Variants in DPP10 observed in about 807,000 individuals in gnomAD.
DPP10 encodes the protein inactive dipeptidyl peptidase 10.
DPP10 carries 33 observed loss-of-function variants against 120.9 expected under a neutral mutation model. The ratio of observed to expected loss-of-function variants is 0.27; its 90% CI spans 0.21 to 0.37. The LOEUF is 0.37. Among genes scored for constraint, DPP10 ranks in the 10% least tolerant of loss-of-function variants. The probability of loss-of-function intolerance (pLI) is 1.00; values close to 1 mark genes in which losing one functional copy is unlikely to be tolerated. For missense variants in DPP10, 816 were observed against 942.8 expected, an observed-to-expected ratio of 0.87 and a Z score of 1.76; for synonymous variants, 337 against 326.1, an observed-to-expected ratio of 1.03 and a Z score of -0.36.
At chr2:114,883,312 A>G (rs548271021) in intron 1 of DPP10, among the ~76,000 whole-genome samples, 7 of 152,316 alleles carry the variant, frequency 4.6e-5, no homozygotes, top group African/African-American at 1.4e-4. Context: ...AGGATCACAC[A>G]TGGCACCCAG....
At chr2:115,349,261 A>C (rs948375658) in intron 3 of DPP10, among the ~76,000 whole-genome samples, 1 of 152,122 alleles carries the variant, frequency 6.6e-6, no homozygotes, top group East Asian at 1.9e-4. Context: ...CTGTCTTTGT[A>C]ACGTGTGACA....
chr2:114,804,906 C>T (rs924647898), intron 1 of DPP10, among the ~76,000 whole-genome samples: 4 of 152,014 alleles, frequency 2.6e-5, no homozygotes, highest in South Asian at 2.1e-4. Context: ...GGGGCCAGGG[C>T]GGAATGATAT....
At chr2:114,570,871 T>A (rs370636658) in intron 1 of DPP10, among the ~76,000 whole-genome samples, 1 of 144,094 alleles carries the variant, frequency 6.9e-6, no homozygotes, top group Non-Finnish European at 1.5e-5. Flanking sequence ...GAAAAGTAGA[T>A]GAAGGAATTA....
At chr2:115,645,831 T>C (rs1158794870) in intron 5 of DPP10, among the ~76,000 whole-genome samples, 2 of 152,190 alleles carry the variant, frequency 1.3e-5, no homozygotes, top group African/African-American at 2.4e-5. Context: ...ATTCCAACTC[T>C]ATTTCCTTCT....
In DPP10 at chr2:115,226,680, A is replaced by C. The variant is rs1027507160; in HGVS notation, c.61-82559A>C. ...CTTCTATGTATAACAGTGTTTAGTA[A>C]AATGTTTATTTTGACTACTTACTAT... On this transcript the variant is annotated intron_variant, in intron 1 of 25. Transcript: ENST00000410059. Among the ~76,000 whole-genome samples the C allele has an allele frequency of 2.0e-5, 3 of 152,188 alleles. No individual in the cohort carries two copies. In the East Asian group the frequency reaches 5.8e-4, roughly 29 times the overall value.
intron 10 of DPP10, among the ~76,000 whole-genome samples, chr2:115,752,330 G>T (rs760251449): frequency 6.6e-6 from 1 of 152,028 alleles, no homozygotes; most frequent in African/African-American, 2.4e-5. Flanking sequence ...ATTTTGTTGC[G>T]TGTGAGTTGG....
rs375107484 is a variant in DPP10, at chr2:114,497,531, A to G, written c.60+54693A>G. 4.4e-4 allele frequency among the ~76,000 whole-genome samples: 66 copies of G among 151,674 alleles called. No individual in the cohort carries two copies. The South Asian group carries it at 0.013, about 29-fold the overall frequency. On this transcript the variant is annotated intron_variant, in intron 1 of 25. Transcript: ENST00000410059. ...TGATGAGTATGATTCAGGAAAAAAA[A>G]CCAAAAACTAACATCACTCTTGTTC...
rs1559034395 is a variant in DPP10, at chr2:115,689,912, G to A, written c.567G>A (p.Gly189=). 7 of 1,613,804 alleles carry A rather than the reference G, an allele frequency of 4.3e-6. No individual in the cohort carries two copies. The highest frequency in any genetic ancestry group is 2.2e-5 in the East Asian group (1 of 44,842). ...VLQYAAWGVQ[G]QQLIYIFENN... ...AGTACGCGGCCTGGGGTGTCCAAGG[G>A]CAGCAGCTGGTAAGCGCAGGCATTG... is the stretch of plus-strand genomic sequence containing the variant. Residue 189 remains glycine, a synonymous_variant, in exon 7 of 26, where the codon GGG becomes GGA. Transcript: ENST00000410059.
intron 21 of DPP10, among the ~76,000 whole-genome samples, chr2:115,821,904 A>T (rs1687857043): frequency 6.6e-6 from 1 of 152,034 alleles, no homozygotes; most frequent in Non-Finnish European, 1.5e-5. Context: ...AGAATTGTTA[A>T]GTCACATAGT....
In DPP10 at chr2:114,891,956, T is replaced by C. The variant is rs571804744; in HGVS notation, c.61-417283T>C. Among the ~76,000 whole-genome samples, 29 of 152,046 alleles carry C rather than the reference T, an allele frequency of 1.9e-4. 1 individual carries two copies. The South Asian group carries it at 5.8e-3, about 30-fold the overall frequency. On this transcript the variant is annotated intron_variant, in intron 1 of 25. Transcript: ENST00000410059. ...GGATGTCTGTCTGTCTGTCTGTCTG[T>C]CTGCCTGATTCATTGGCACATGTCT... is the stretch of plus-strand genomic sequence containing the variant.
chr2:115,234,560 T>C (rs1483566188), intron 1 of DPP10: 1 of 152,380 alleles, frequency 6.6e-6, no homozygotes, highest in African/African-American at 2.4e-5. Flanking sequence ...GTCTGTGAGT[T>C]ACTGGGGAAC....
intron 1 of DPP10, among the ~76,000 whole-genome samples, chr2:114,818,045 T>C (rs1685781533): frequency 6.6e-6 from 1 of 152,114 alleles, no homozygotes; most frequent in Non-Finnish European, 1.5e-5. Context: ...GAACTAAGGA[T>C]AATCTTTTGC....
At chr2:115,486,189 A>G (rs752460210) in intron 3 of DPP10, among the ~76,000 whole-genome samples, 1 of 152,022 alleles carries the variant, frequency 6.6e-6, no homozygotes, top group Admixed American at 6.6e-5. Flanking sequence ...CACCTTTTGT[A>G]TGTCAATATG....
In DPP10 at chr2:114,640,150, C is replaced by T. The variant is rs368774457; in HGVS notation, c.60+197312C>T. ...GGATTTTAGAAAAGTAATAGGTAAA[C>T]GATTCCCTAGCTCAAGAATCTCTGA... On this transcript the variant is annotated intron_variant, in intron 1 of 25. Coordinates refer to ENST00000410059, the MANE Select transcript of DPP10 (RefSeq NM_020868.6). Among the ~76,000 whole-genome samples the T allele has an allele frequency of 3.1e-4, 47 of 151,968 alleles. No homozygotes were observed. The South Asian group carries it at 3.7e-3, about 12-fold the overall frequency.
chr2:114,595,098 T>C (rs6721276), intron 1 of DPP10, among the ~76,000 whole-genome samples: 151,666 of 152,194 alleles, frequency 1, 75,575 homozygotes, highest in Middle Eastern at 1. Flanking sequence ...CTAAATGTTA[T>C]TTGTTTTTCC....
chr2:115,373,068 C>A (rs1043003194), intron 3 of DPP10, among the ~76,000 whole-genome samples: 24 of 152,154 alleles, frequency 1.6e-4, no homozygotes, highest in African/African-American at 5.3e-4. Context: ...TTGGAAGCCA[C>A]AGGAGGGTTG....
intron 1 of DPP10, chr2:115,161,862 G>A: frequency 8.0e-7 from 1 of 1,243,680 alleles, no homozygotes; most frequent in Non-Finnish European, 1.0e-6. Context: ...GATTCCGGGA[G>A]CGACGGGCGC....
chr2:115,507,030 ACG>A (rs1220353654), intron 4 of DPP10, among the ~76,000 whole-genome samples: 1,518 of 119,710 alleles, frequency 0.013, 19 homozygotes, highest in African/African-American at 0.048. Context: ...ACACACACGC[ACG>A]CGCACACACA....
At chr2:115,353,316 G>A (rs1231730459) in intron 3 of DPP10, among the ~76,000 whole-genome samples, 6 of 152,070 alleles carry the variant, frequency 3.9e-5, no homozygotes, top group African/African-American at 9.7e-5. Context: ...TAAGTTTAAC[G>A]GTAAGGAAAA....
Sources: gnomAD v4.1 joint callset for allele counts (sites outside exome capture counted in the v4.1 genomes callset) on GRCh38, gnomAD v4.1.1 for gene constraint, MANE v1.5 for transcripts, NCBI Gene and HGNC (gene_info 2026-07-23, HGNC 2026-07-21) for gene names.